ANKDD1A: variants seen among roughly 807,000 people sequenced by gnomAD.
ANKDD1A encodes the protein ankyrin repeat and death domain containing 1A, also known as ankyrin repeat and death domain-containing protein 1A.
Under a neutral mutation model 63.5 loss-of-function variants are expected in ANKDD1A, and 59 were observed. The ratio of observed to expected loss-of-function variants is 0.93; its 90% CI spans 0.75 to 1.15. The LOEUF (loss-of-function observed/expected upper bound fraction) is 1.15, where lower values mean the gene tolerates loss of function less well. Ranked by LOEUF, ANKDD1A falls within the 50% of genes most tolerant of loss-of-function variation. The pLI, the probability that ANKDD1A is intolerant of heterozygous loss-of-function variation, is 0.00. For synonymous variants in ANKDD1A, 266 were observed against 263.9 expected, an observed-to-expected ratio of 1.01 and a Z score of -0.08; for missense variants, 632 against 656.4, an observed-to-expected ratio of 0.96 and a Z score of 0.41.
rs767259292 is a variant in ANKDD1A, at chr15:64,950,022, C to T, written c.1483+50C>T. On this transcript the variant is annotated intron_variant, in intron 14 of 14. Coordinates refer to ENST00000319580, the MANE Select transcript of ANKDD1A (RefSeq NM_182703.6). ...CTTCTCAGGAGCTGGGTGGCCCCCACTGGAATGCAGCAGGGCCCTCCAAGG... is the reference window on the plus strand; with the variant it reads ...CTTCTCAGGAGCTGGGTGGCCCCCATTGGAATGCAGCAGGGCCCTCCAAGG... 3 of 1,594,292 alleles carry T rather than the reference C, an allele frequency of 1.9e-6. No individual in the cohort carries two copies. The Admixed American group carries it at 5.0e-5, about 27-fold the overall frequency.
In ANKDD1A at chr15:64,953,641, C is replaced by CTTCTTTCTCCTTCTTCT; in HGVS notation, c.1484-3461_1484-3460insTCTTTCTCCTTCTTCTT. Among the ~76,000 whole-genome samples the CTTCTTTCTCCTTCTTCT allele has an allele frequency of 4.9e-4, 2 of 4,062 alleles. 1 individual carries two copies. The highest frequency in any genetic ancestry group is 5.2e-3 in the Admixed American group (2 of 388). 2.7% of individuals were successfully genotyped at this position (4,062 alleles called of 152,430 possible). The stretch of plus-strand genomic sequence containing the variant: ...TTCTTCTTCTTCTTCCTTCTTCTTC[C>CTTCTTTCTCCTTCTTCT]TCTTCCTTCTCCTTCTTTTCTTTCT... On this transcript the variant is annotated intron_variant, in intron 14 of 14. Coordinates refer to ENST00000319580, the MANE Select transcript of ANKDD1A (RefSeq NM_182703.6).
At chr15:64,954,370 CTTCCTTTTCTT>C (rs2085383191) in intron 14 of ANKDD1A, among the ~76,000 whole-genome samples, 1 of 17,990 alleles carries the variant, frequency 5.6e-5, no homozygotes, top group South Asian at 2.6e-3. Flanking sequence ...TCTCCTTCTT[CTTCCTTTTCTT>C]TTCTTCTTCT....
Position 64,942,535 on chromosome 15 carries a change from C to T in ANKDD1A, c.936C>T (p.Asn312=). 2.5e-6 allele frequency: 4 copies of T among 1,613,916 alleles called. No homozygotes were observed. Among genetic ancestry groups the T allele is most frequent in the Non-Finnish European group, 3.4e-6 (4 of 1,179,936 alleles). The change falls in exon 10 of 15, where the codon AAC becomes AAT. Residue 312 remains asparagine, a synonymous_variant. Coordinates refer to ENST00000319580, the MANE Select transcript of ANKDD1A (RefSeq NM_182703.6). ...CTGCCTTGGTCCGGCTCCTCATCAA[C>T]TCCGACAGTGACGTGAATGCCGTGG... is the stretch of plus-strand genomic sequence containing the variant. ...NFPALVRLLI[N]SDSDVNAVDN... is the part of the protein sequence containing the mutation.
At chr15:64,948,832 GAA>G (rs886808535) in intron 13 of ANKDD1A, among the ~76,000 whole-genome samples, 1 of 146,308 alleles carries the variant, frequency 6.8e-6, no homozygotes, top group African/African-American at 2.5e-5. Flanking sequence ...TCTCCCAAAG[GAA>G]AAAAAAAAGA....
At chr15:64,914,953 G>A (rs1168033483) in intron 1 of ANKDD1A, among the ~76,000 whole-genome samples, 3 of 152,170 alleles carry the variant, frequency 2.0e-5, no homozygotes, top group Non-Finnish European at 1.5e-5. Flanking sequence ...CCACAGAGAA[G>A]GAAAATCAGG....
chr15:64,951,436 CTT>C lies in ANKDD1A; in HGVS notation c.1483+1466_1483+1467del, dbSNP rs1363485796. On this transcript the variant is annotated intron_variant, in intron 14 of 14. Transcript: ENST00000319580. ...CTTTTCTTCCTCTTTTCTTCTTTTT[CTT>C]TCTTCTTCCCTTTCTTTTCTTTTCT... 2.2e-3 allele frequency: 191 copies of C among 88,208 alleles called. 2 individuals are homozygous for C. Among genetic ancestry groups the C allele is most frequent in the African/African-American group, 0.011 (180 of 16,980 alleles). The allele number at this position is 88,208 out of a possible 1,614,324, so 5.5% of individuals were successfully genotyped here.
At chr15:64,952,519 T>TCTTCTC (rs1555366970) in intron 14 of ANKDD1A, among the ~76,000 whole-genome samples, 1 of 145,040 alleles carries the variant, frequency 6.9e-6, no homozygotes, top group Non-Finnish European at 1.5e-5. Flanking sequence ...CTTACTTTCT[T>TCTTCTC]CTTCCTTCGT....
intron 2 of ANKDD1A, among the ~76,000 whole-genome samples, chr15:64,916,432 C>T (rs1174252378): frequency 6.6e-6 from 1 of 151,172 alleles, no homozygotes; most frequent in Admixed American, 6.6e-5. Flanking sequence ...CTCAGTTGAT[C>T]CTCCCATCTC....
intron 2 of ANKDD1A, 129 bp from the exon 3 acceptor site, chr15:64,917,257 T>G: frequency 8.0e-7 from 1 of 1,247,472 alleles, no homozygotes. Flanking sequence ...GGTCCCCAGC[T>G]AGCTGGGGAC....
chr15:64,912,326 G>T (rs1396959265), intron 1 of ANKDD1A, among the ~76,000 whole-genome samples: 1 of 152,242 alleles, frequency 6.6e-6, no homozygotes, highest in East Asian at 1.9e-4. Flanking sequence ...AGGACATTAT[G>T]TTATCTTCAT....
chr15:64,942,613 C>G, intron 10 of ANKDD1A, 48 bp downstream of exon 10: 2 of 1,514,132 alleles, frequency 1.3e-6, no homozygotes, highest in Non-Finnish European at 1.8e-6. Flanking sequence ...TTCTGGAAAC[C>G]CTCCCAGGCT....
At chr15:64,953,203 TCTTCTC>T (rs1297349851) in intron 14 of ANKDD1A, among the ~76,000 whole-genome samples, 5 of 99,986 alleles carry the variant, frequency 5.0e-5, no homozygotes, top group Non-Finnish European at 9.2e-5. Context: ...TCTTATTCTT[TCTTCTC>T]CTTCTTTCTT....
chr15:64,942,401 C>T (rs1245635154), intron 9 of ANKDD1A, 66 bp from the exon 10 acceptor site: 21 of 1,276,004 alleles, frequency 1.6e-5, no homozygotes, highest in Admixed American at 2.2e-5. Flanking sequence ...CTGTCCCCAG[C>T]ACCAGCCTGC....
chr15:64,915,756 G>A (rs758032805), intron 1 of ANKDD1A, 41 bp from the exon 2 acceptor site: 3 of 1,560,850 alleles, frequency 1.9e-6, no homozygotes, highest in Non-Finnish European at 2.6e-6. Flanking sequence ...GCAGTGTGGG[G>A]CATCCTCCCC....
At chr15:64,952,692 T>C (rs2085317406) in intron 14 of ANKDD1A, among the ~76,000 whole-genome samples, 1 of 130,102 alleles carries the variant, frequency 7.7e-6, no homozygotes, top group Admixed American at 7.9e-5. Context: ...TCCTCTCCTT[T>C]TTCTTCTTAG....
intron 14 of ANKDD1A, chr15:64,950,237 A>C: frequency 1.0e-6 from 1 of 985,384 alleles, no homozygotes; most frequent in Admixed American, 6.1e-5. Context: ...TGCTGTCCAT[A>C]ATCTCTTCCT....
chr15:64,942,658 G>T, intron 10 of ANKDD1A, 93 bp downstream of exon 10: 1 of 792,052 alleles, frequency 1.3e-6, no homozygotes, highest in Non-Finnish European at 1.9e-6. Flanking sequence ...GCATGGCCCA[G>T]AGTTGAGGAA....
At chr15:64,932,092 C>A (rs1273665424) in intron 8 of ANKDD1A, 1 of 158,520 alleles carries the variant, frequency 6.3e-6, no homozygotes, top group East Asian at 1.8e-4. Context: ...GACAGGGTTT[C>A]ACCATGTTGG....
rs767128405 is a variant in ANKDD1A, at chr15:64,915,909, T to A, written c.138+9T>A. ...CCAGGGCCAGAAACCACGTGCGTAATGAGCTTCTCTGAATCCAGGCACCTG... is the reference window on the plus strand; with the variant it reads ...CCAGGGCCAGAAACCACGTGCGTAAAGAGCTTCTCTGAATCCAGGCACCTG... On this transcript the variant is annotated intron_variant, in intron 2 of 14. Transcript: ENST00000319580. 1.2e-6 allele frequency: 2 copies of A among 1,611,706 alleles called. No individual in the cohort carries two copies. Among genetic ancestry groups the A allele is most frequent in the Admixed American group, 3.3e-5 (2 of 59,814 alleles).
Sources: gnomAD v4.1 joint callset for allele counts (sites outside exome capture counted in the v4.1 genomes callset) on GRCh38, gnomAD v4.1.1 for gene constraint, MANE v1.5 for transcripts, NCBI Gene and HGNC (gene_info 2026-07-23, HGNC 2026-07-21) for gene names.